TBL1XR1: variants seen among roughly 807,000 people sequenced by gnomAD.
TBL1XR1 encodes TBL1X/Y related 1.
TBL1XR1 carries 5 observed loss-of-function variants against 66.9 expected under a neutral mutation model. The ratio of observed to expected loss-of-function variants is 0.07; its 90% confidence interval spans 0.04 to 0.16. The LOEUF (loss-of-function observed/expected upper bound fraction) is 0.16, where lower values mean the gene tolerates loss of function less well. TBL1XR1 is among the 10% of genes least tolerant of loss of function. TBL1XR1 has a pLI of 1.00. For synonymous variants in TBL1XR1, 210 were observed against 206.0 expected, an observed-to-expected ratio of 1.02 and a Z score of -0.17; for missense variants, 238 against 623.2, an observed-to-expected ratio of 0.38 and a Z score of 6.58.
intron 3 of TBL1XR1, among the ~76,000 whole-genome samples, chr3:177,056,148 G>A (rs1474204459): frequency 6.6e-6 from 1 of 152,144 alleles, no homozygotes; most frequent in African/African-American, 2.4e-5. Context: ...CCATCTTATT[G>A]CCATATTTAC....
chr3:177,181,414 A>C (rs1240486616), intron 1 of TBL1XR1, among the ~76,000 whole-genome samples: 1 of 144,666 alleles, frequency 6.9e-6, no homozygotes, highest in Non-Finnish European at 1.5e-5. Flanking sequence ...CGGGAGGTGG[A>C]GGTTACAGTA....
At chr3:177,128,811 C>G (rs1407260854) in intron 1 of TBL1XR1, among the ~76,000 whole-genome samples, 1 of 152,182 alleles carries the variant, frequency 6.6e-6, no homozygotes, top group African/African-American at 2.4e-5. Flanking sequence ...CATGAAATAT[C>G]TCTGATAGAG....
At chr3:177,029,612 C>A (rs1262435941) in intron 14 of TBL1XR1, among the ~76,000 whole-genome samples, 1 of 152,086 alleles carries the variant, frequency 6.6e-6, no homozygotes, top group Admixed American at 6.6e-5. Flanking sequence ...CATAGTGAGA[C>A]TCTATCTCAA....
intron 1 of TBL1XR1, among the ~76,000 whole-genome samples, chr3:177,135,591 C>A (rs1387058959): frequency 6.8e-6 from 1 of 147,430 alleles, no homozygotes; most frequent in Non-Finnish European, 1.5e-5. Context: ...ACCATGTTAG[C>A]CAGGATGGTC....
intron 1 of TBL1XR1, among the ~76,000 whole-genome samples, chr3:177,115,114 G>GAAA (rs1726151910): frequency 6.6e-6 from 1 of 152,178 alleles, no homozygotes; most frequent in Non-Finnish European, 1.5e-5. Flanking sequence ...ATACAGTAAG[G>GAAA]ATCTTGGGCC....
rs747230542 is a variant in TBL1XR1, at chr3:177,046,172, G to A, written c.882C>T (p.Asp294=). The change falls in exon 10 of 16, where the codon GAC becomes GAT. Residue 294 remains aspartate, a synonymous_variant. Coordinates refer to ENST00000457928, the MANE Select transcript of TBL1XR1 (RefSeq NM_024665.7). ...AGVDKTTIIW[D]AHTGEAKQQF... ...GTTGCTTGGCTTCACCAGTATGTGC[G>A]TCCCAAATAATTGTAGTCTGAGATT... 2.3e-5 allele frequency: 36 copies of A among 1,537,108 alleles called. No homozygotes were observed. Among genetic ancestry groups the A allele is most frequent in the African/African-American group, 1.5e-4 (11 of 71,922 alleles).
intron 4 of TBL1XR1, among the ~76,000 whole-genome samples, chr3:177,051,974 CTGAAA>C (rs1717149912): frequency 6.6e-6 from 1 of 151,898 alleles, no homozygotes; most frequent in Non-Finnish European, 1.5e-5. Flanking sequence ...ACAGATAGAG[CTGAAA>C]TGAAAGAGAT....
chr3:177,025,827 C>T (rs1236113236), intron 15 of TBL1XR1, among the ~76,000 whole-genome samples: 1 of 152,044 alleles, frequency 6.6e-6, no homozygotes, highest in Non-Finnish European at 1.5e-5. Flanking sequence ...TCTATTGGAC[C>T]CTAATGAAAG....
intron 2 of TBL1XR1, among the ~76,000 whole-genome samples, chr3:177,084,335 C>T (rs1462386568): frequency 6.6e-6 from 1 of 152,158 alleles, no homozygotes; most frequent in African/African-American, 2.4e-5. Context: ...TTCATAACTT[C>T]GTTTTGGCTG....
At chr3:177,058,135 T>C (rs1718041496) in intron 3 of TBL1XR1, among the ~76,000 whole-genome samples, 1 of 152,110 alleles carries the variant, frequency 6.6e-6, no homozygotes, top group Non-Finnish European at 1.5e-5. Context: ...GACAAACTGG[T>C]AAAAAAGGCA....
At chr3:177,075,206 A>G (rs1720545394) in intron 2 of TBL1XR1, among the ~76,000 whole-genome samples, 1 of 152,250 alleles carries the variant, frequency 6.6e-6, no homozygotes, top group Non-Finnish European at 1.5e-5. Context: ...AGCACCCGGC[A>G]TTCCTTGGCT....
chr3:177,111,002 A>C (rs868363688), intron 1 of TBL1XR1: 1 of 152,298 alleles, frequency 6.6e-6, no homozygotes. Context: ...TCAACTAGAC[A>C]AATTCACAAA....
chr3:177,048,088 C>T (rs1202497601), intron 7 of TBL1XR1, among the ~76,000 whole-genome samples: 1 of 152,084 alleles, frequency 6.6e-6, no homozygotes, highest in Non-Finnish European at 1.5e-5. Context: ...TTAATCCCTT[C>T]CCACTATGAA....
At chr3:177,115,953 G>A (rs1726254837) in intron 1 of TBL1XR1, among the ~76,000 whole-genome samples, 1 of 152,110 alleles carries the variant, frequency 6.6e-6, no homozygotes, top group African/African-American at 2.4e-5. Context: ...AAGTCCGCTA[G>A]GGAAGGAATG....
intron 1 of TBL1XR1, among the ~76,000 whole-genome samples, chr3:177,108,629 T>C (rs1049983204): frequency 1.3e-5 from 2 of 152,210 alleles, no homozygotes; most frequent in Non-Finnish European, 2.9e-5. Flanking sequence ...TATAACTGCA[T>C]GTATAGTTTA....
At chr3:177,044,246 A>G (rs1380336795) in intron 10 of TBL1XR1, among the ~76,000 whole-genome samples, 1 of 152,138 alleles carries the variant, frequency 6.6e-6, no homozygotes, top group African/African-American at 2.4e-5. Flanking sequence ...AGCTTTTTGA[A>G]CATATGATAT....
chr3:177,062,190 A>G lies in TBL1XR1; in HGVS notation c.58+2730T>C, dbSNP rs1718601915. ...CTTTCAGTGGCAGCCCCTCTTTAGG[A>G]TATGCTCTCATAGCCCAAACCTCAG... On this transcript the variant is annotated intron_variant, in intron 3 of 15. Transcript: ENST00000457928. Among the ~76,000 whole-genome samples the G allele has an allele frequency of 4.6e-5, 7 of 152,308 alleles. No individual in the cohort carries two copies. The South Asian group carries it at 1.4e-3, about 32-fold the overall frequency.
At chr3:177,162,378 CG>C (rs1196429576) in intron 1 of TBL1XR1, among the ~76,000 whole-genome samples, 3 of 152,070 alleles carry the variant, frequency 2.0e-5, no homozygotes, top group Non-Finnish European at 4.4e-5. Context: ...GCCTGCCTGC[CG>C]GAAGGCATGA....
At chr3:177,128,625 C>T (rs1727929170) in intron 1 of TBL1XR1, among the ~76,000 whole-genome samples, 2 of 152,178 alleles carry the variant, frequency 1.3e-5, no homozygotes, top group Admixed American at 6.5e-5. Context: ...CTGCCCCCGT[C>T]GTCCTCCGAA....
Sources: allele counts gnomAD v4.1 joint callset (sites outside exome capture counted in the v4.1 genomes callset), GRCh38; gene constraint gnomAD v4.1.1; transcripts MANE v1.5; gene names NCBI Gene and HGNC (gene_info 2026-07-23, HGNC 2026-07-21).